Variants in EPB41 observed in about 807,000 individuals in gnomAD.
The protein encoded by EPB41 is protein 4.1.
Under a neutral mutation model 108.0 loss-of-function variants are expected in EPB41, and 65 were observed. The ratio of observed to expected loss-of-function variants is 0.60; its 90% CI spans 0.49 to 0.74. The LOEUF (loss-of-function observed/expected upper bound fraction) is 0.74. Ranked by LOEUF, EPB41 falls within the 30% of genes least tolerant of loss-of-function variation. EPB41 has a pLI of 0.00. For missense variants in EPB41, 875 were observed against 1,037.0 expected (o/e 0.84, Z 2.15); for synonymous variants, 336 against 358.9 (o/e 0.94, Z 0.72).
At chr1:29,093,853 C>G (rs1396035322) in intron 16 of EPB41, among the ~76,000 whole-genome samples, 1 of 152,134 alleles carries the variant, frequency 6.6e-6, no homozygotes, top group Non-Finnish European at 1.5e-5. Flanking sequence ...TGCAGTGAGC[C>G]AAGATCACAC....
chr1:28,949,452 C>T (rs546677302), intron 1 of EPB41, among the ~76,000 whole-genome samples: 88 of 152,100 alleles, frequency 5.8e-4, no homozygotes, highest in African/African-American at 2.0e-3. Flanking sequence ...AAAAAACTTA[C>T]CATCTCTGTA....
intron 1 of EPB41, among the ~76,000 whole-genome samples, chr1:28,968,319 C>T (rs2095412107): frequency 6.6e-6 from 1 of 152,040 alleles, no homozygotes; most frequent in Admixed American, 6.5e-5. Flanking sequence ...CACACCACTG[C>T]ACTCCAGCCT....
At chr1:28,971,669 A>G (rs1459082577) in intron 1 of EPB41, among the ~76,000 whole-genome samples, 2 of 152,216 alleles carry the variant, frequency 1.3e-5, no homozygotes, top group African/African-American at 4.8e-5. Flanking sequence ...ATAAAGGCAG[A>G]TACAAAAAAT....
chr1:28,898,801 C>G (rs1409210007), intron 1 of EPB41, among the ~76,000 whole-genome samples: 3 of 152,260 alleles, frequency 2.0e-5, no homozygotes, highest in African/African-American at 7.2e-5. Flanking sequence ...CTCCCACCCC[C>G]TGCACTAGAT....
Position 29,097,845 on chromosome 1 carries a change from T to A in EPB41, c.2223T>A (p.Asp741Glu). 6.2e-7 allele frequency: 1 copy of A among 1,614,012 alleles called. No homozygotes were observed. The highest frequency in any genetic ancestry group is 8.5e-7 in the Non-Finnish European group (1 of 1,179,876). The stretch of plus-strand genomic sequence containing the variant: ...AGACACAAACTGTCACCATCTCAGA[T>A]AATGCCAATGCTGTGAAAAGTGAAA... ...LVKTQTVTISDNANAVKSEIP... is the reference protein window; with the variant it reads ...LVKTQTVTISENANAVKSEIP... Residue 741 changes from aspartate (D) to glutamate (E), a missense_variant, in exon 17 of 21, where the codon GAT becomes GAA. Transcript: ENST00000343067.
intron 4 of EPB41, 45 bp from the exon 5 acceptor site, chr1:29,011,820 A>G (rs573420809): frequency 6.8e-6 from 11 of 1,608,496 alleles, no homozygotes; most frequent in Non-Finnish European, 9.4e-6. Context: ...TCTGTTGTTT[A>G]TGTGTTTTGG....
chr1:29,035,056 A>AC (rs1419024717), intron 9 of EPB41, among the ~76,000 whole-genome samples: 1 of 137,160 alleles, frequency 7.3e-6, no homozygotes, highest in Non-Finnish European at 1.5e-5. Context: ...ATCTCAGCTC[A>AC]CCGCAACCTC....
intron 1 of EPB41, among the ~76,000 whole-genome samples, chr1:28,928,456 AG>A (rs2093573240): frequency 6.6e-6 from 1 of 152,220 alleles, no homozygotes; most frequent in Admixed American, 6.5e-5. Context: ...TACCATTCAC[AG>A]AAGAGAAACA....
intron 1 of EPB41, among the ~76,000 whole-genome samples, chr1:28,975,895 C>G (rs2095593856): frequency 6.7e-6 from 1 of 148,344 alleles, no homozygotes; most frequent in Non-Finnish European, 1.5e-5. Context: ...GAGCTGAGAT[C>G]CCGCCACTGC....
intron 1 of EPB41, among the ~76,000 whole-genome samples, chr1:28,986,296 A>C (rs910345988): frequency 6.6e-6 from 1 of 152,226 alleles, no homozygotes; most frequent in Non-Finnish European, 1.5e-5. Flanking sequence ...GCATAAGGTC[A>C]TCAATAGTCG....
At chr1:29,009,219 G>A (rs1449622592) in intron 4 of EPB41, among the ~76,000 whole-genome samples, 1 of 150,988 alleles carries the variant, frequency 6.6e-6, no homozygotes, top group Non-Finnish European at 1.5e-5. Context: ...TAACTAAAAT[G>A]CTGGAAATTA....
intron 11 of EPB41, 43 bp from the exon 12 acceptor site, chr1:29,053,061 C>T (rs1261093118): frequency 1.9e-6 from 3 of 1,602,010 alleles, no homozygotes; most frequent in Non-Finnish European, 2.6e-6. Context: ...AATACAGTAG[C>T]TCTGGCCTTT....
At chr1:28,940,413 A>C (rs1224965202) in intron 1 of EPB41, among the ~76,000 whole-genome samples, 1 of 152,120 alleles carries the variant, frequency 6.6e-6, no homozygotes, top group Admixed American at 6.5e-5. Context: ...GCACTTTGGG[A>C]GGCCGAGGTG....
At chr1:29,020,692 C>T (rs1243854035) in intron 7 of EPB41, among the ~76,000 whole-genome samples, 6 of 151,832 alleles carry the variant, frequency 4.0e-5, no homozygotes, top group Admixed American at 1.3e-4. Context: ...TGGAATGTCA[C>T]TGTTGCCCAG....
At chr1:29,013,604 G>A (rs2096537335) in intron 5 of EPB41, among the ~76,000 whole-genome samples, 1 of 152,038 alleles carries the variant, frequency 6.6e-6, no homozygotes, top group Non-Finnish European at 1.5e-5. Flanking sequence ...TCGGCTCACT[G>A]CAACCTCCAC....
chr1:29,109,588 C>T (rs1668469072), intron 18 of EPB41, 151 bp downstream of exon 18: 2 of 705,542 alleles, frequency 2.8e-6, no homozygotes, highest in Non-Finnish European at 2.6e-6. Flanking sequence ...GATGGAAAGG[C>T]CCTGCTGCCT....
At chr1:28,923,583 C>T (rs954571258) in intron 1 of EPB41, among the ~76,000 whole-genome samples, 13 of 152,076 alleles carry the variant, frequency 8.5e-5, no homozygotes, top group African/African-American at 3.1e-4. Flanking sequence ...AAGATTTACC[C>T]AGTAAGTCTT....
chr1:28,915,731 C>CTTTTTTTTTTTTTTTTTTTTTTTGT (rs11321625), intron 1 of EPB41, among the ~76,000 whole-genome samples: 1 of 56,074 alleles, frequency 1.8e-5, no homozygotes, highest in Non-Finnish European at 3.1e-5. Flanking sequence ...TTTTCAGATG[C>CTTTTTTTTTTTTTTTTTTTTTTTGT]TTTTTTTTTT....
At chr1:29,004,054 G>A (rs921040034) in intron 4 of EPB41, among the ~76,000 whole-genome samples, 8 of 152,184 alleles carry the variant, frequency 5.3e-5, no homozygotes, top group African/African-American at 7.2e-5. Flanking sequence ...GAGCCACTGC[G>A]CCCAGCCCAG....
Sources: allele counts gnomAD v4.1 joint callset (sites outside exome capture counted in the v4.1 genomes callset), GRCh38; gene constraint gnomAD v4.1.1; transcripts MANE v1.5; gene names NCBI Gene and HGNC (gene_info 2026-07-23, HGNC 2026-07-21).